The following ZNF569 variants were observed in gnomAD, a reference collection of about 807,000 sequenced individuals.
ZNF569 encodes the protein zinc finger protein 569.
A neutral mutation model predicts 56.3 loss-of-function variants in ZNF569; 38 were observed. That is an observed-to-expected ratio of 0.68 (90% confidence interval 0.52 to 0.88). The LOEUF (loss-of-function observed/expected upper bound fraction) is 0.88, where lower values mean the gene tolerates loss of function less well. Ranked by LOEUF, ZNF569 falls within the 40% of genes least tolerant of loss-of-function variation. ZNF569 has a pLI of 0.00. For missense variants in ZNF569, 666 were observed against 809.2 expected, an observed-to-expected ratio of 0.82 and a Z score of 2.15; for synonymous variants, 241 against 262.9, an observed-to-expected ratio of 0.92 and a Z score of 0.81.
At chr19:37,467,650 A>C, upstream of ZNF569, 2 of 594,392 alleles carry the variant, frequency 3.4e-6, no homozygotes, top group Non-Finnish European at 6.0e-6. Flanking sequence ...CTCCAGGGCC[A>C]GTGAAGGCCG....
At position 37,425,762 on chromosome 19, in the gene ZNF569, C is replaced by A; in HGVS notation, c.238+106G>T. 4.1e-6 allele frequency: 4 copies of A among 980,002 alleles called. No individual in the cohort carries two copies. The South Asian group carries it at 4.6e-5, about 11-fold the overall frequency. 60.7% of individuals were successfully genotyped at this position (980,002 alleles called of 1,614,324 possible). ...CTATAGGTATGAACCACTGTGCCAA[C>A]CTCTGAAAATATCTTTGAAGAATAT... On this transcript the variant is annotated intron_variant, in intron 5 of 5. Transcript: ENST00000316950.
intron 2 of ZNF569, among the ~76,000 whole-genome samples, chr19:37,456,635 T>C (rs2041674464): frequency 6.6e-6 from 1 of 152,154 alleles, no homozygotes; most frequent in Non-Finnish European, 1.5e-5. Context: ...CATACTTGTA[T>C]GTATACATTC....
At chr19:37,420,163 T>C (rs974593910) in intron 5 of ZNF569, among the ~76,000 whole-genome samples, 1 of 151,784 alleles carries the variant, frequency 6.6e-6, no homozygotes, top group South Asian at 2.1e-4. Context: ...ATTTTTTTTG[T>C]GTTTTTAGTA....
At chr19:37,439,311 T>C (rs1288754816) in intron 3 of ZNF569, among the ~76,000 whole-genome samples, 30 of 152,176 alleles carry the variant, frequency 2.0e-4, no homozygotes, top group Non-Finnish European at 1.3e-4. Flanking sequence ...CCTCAGATGA[T>C]CCACCCGCCT....
upstream of ZNF569, chr19:37,467,666 G>C (rs572950115): frequency 7.0e-5 from 42 of 602,452 alleles, 1 homozygote; most frequent in African/African-American, 7.2e-4. Context: ...GGCCGGGTCA[G>C]CTGGAGCCTT....
intron 2 of ZNF569, among the ~76,000 whole-genome samples, chr19:37,463,984 T>C (rs147595061): frequency 6.6e-6 from 1 of 152,208 alleles, no homozygotes; most frequent in East Asian, 1.9e-4. Flanking sequence ...TTTAAAAAAT[T>C]TAAAAGTTCA....
intron 2 of ZNF569, among the ~76,000 whole-genome samples, chr19:37,457,935 C>T (rs933388195): frequency 2.6e-5 from 4 of 151,992 alleles, no homozygotes; most frequent in East Asian, 1.9e-4. Context: ...GCTGGAGGAG[C>T]GCATGGCTCG....
intron 2 of ZNF569, among the ~76,000 whole-genome samples, chr19:37,447,095 A>T (rs144620845): frequency 7.5e-4 from 114 of 152,288 alleles, no homozygotes; most frequent in African/African-American, 2.6e-3. Flanking sequence ...AAAAATAATA[A>T]ATGTTGGCAT....
At chr19:37,426,148 A>G in intron 4 of ZNF569, 104 bp downstream of exon 4, 1 of 1,412,862 alleles carries the variant, frequency 7.1e-7, no homozygotes, top group Non-Finnish European at 9.6e-7. Context: ...CCCAAGGCCA[A>G]GCTCACTCTA....
chr19:37,415,858 C>T (rs6508720), intron 5 of ZNF569, among the ~76,000 whole-genome samples: 11,513 of 147,804 alleles, frequency 0.078, 693 homozygotes, highest in African/African-American at 0.17. Context: ...CCAGCCTGGG[C>T]GACAGAGTGA....
chr19:37,429,716 A>G (rs964148266), intron 3 of ZNF569, among the ~76,000 whole-genome samples: 1 of 152,178 alleles, frequency 6.6e-6, no homozygotes, highest in African/African-American at 2.4e-5. Context: ...AGTCTGGACT[A>G]TTACACTTGA....
chr19:37,420,123 A>G (rs1206705508), intron 5 of ZNF569, among the ~76,000 whole-genome samples: 1 of 151,596 alleles, frequency 6.6e-6, no homozygotes, highest in Non-Finnish European at 1.5e-5. Flanking sequence ...AGTAGCTGGG[A>G]TTACAGGTGT....
intron 3 of ZNF569, chr19:37,427,927 G>A (rs1048046492): frequency 2.9e-6 from 1 of 348,688 alleles, no homozygotes; most frequent in Non-Finnish European, 6.0e-6. Context: ...GAGCACATAA[G>A]AAACACACTC....
At chr19:37,445,356 C>T (rs8103087) in intron 2 of ZNF569, among the ~76,000 whole-genome samples, 4,600 of 152,182 alleles carry the variant, frequency 0.03, 216 homozygotes, top group African/African-American at 0.096. Flanking sequence ...GGTGATATAT[C>T]TTGAGGAACA....
At chr19:37,443,056 A>G (rs978025738) in intron 3 of ZNF569, among the ~76,000 whole-genome samples, 1 of 152,232 alleles carries the variant, frequency 6.6e-6, no homozygotes. Flanking sequence ...AAGCTGGCAG[A>G]TAAAAATACA....
intron 3 of ZNF569, among the ~76,000 whole-genome samples, chr19:37,433,804 A>C (rs1183208963): frequency 6.6e-6 from 1 of 152,202 alleles, no homozygotes; most frequent in Non-Finnish European, 1.5e-5. Context: ...CCAGACAAAC[A>C]ACAGCTGAGA....
chr19:37,418,124 A>ATAATAAT (rs1392392270), intron 5 of ZNF569, among the ~76,000 whole-genome samples: 2 of 150,044 alleles, frequency 1.3e-5, no homozygotes, highest in East Asian at 3.9e-4. Context: ...AATAATAATA[A>ATAATAAT]TAATAATAAT....
chr19:37,464,692 A>G (rs1488121993), intron 2 of ZNF569, among the ~76,000 whole-genome samples: 1 of 152,134 alleles, frequency 6.6e-6, no homozygotes, highest in African/African-American at 2.4e-5. Context: ...ATACTCCATG[A>G]TGTTCATACA....
chr19:37,426,535 G>A (rs2041136682), intron 3 of ZNF569, among the ~76,000 whole-genome samples, 157 bp from the exon 4 acceptor site: 1 of 152,178 alleles, frequency 6.6e-6, no homozygotes, highest in Non-Finnish European at 1.5e-5. Flanking sequence ...TGATTAGCAA[G>A]CACATGTCTT....
Sources: allele counts gnomAD v4.1 joint callset (sites outside exome capture counted in the v4.1 genomes callset), GRCh38; gene constraint gnomAD v4.1.1; transcripts MANE v1.5; gene names NCBI Gene and HGNC (gene_info 2026-07-23, HGNC 2026-07-21).